The following GABRG3 variants were observed in gnomAD, a reference collection of about 807,000 sequenced individuals.
The protein encoded by GABRG3 is gamma-aminobutyric acid type A receptor subunit gamma3, also known as gamma-aminobutyric acid receptor subunit gamma-3.
A neutral mutation model predicts 48.8 loss-of-function variants in GABRG3; 25 were observed. That is an observed-to-expected ratio of 0.51 (90% CI 0.37 to 0.72). The LOEUF is 0.72. Ranked by LOEUF, GABRG3 falls within the 30% of genes least tolerant of loss-of-function variation. GABRG3 has a pLI of 0.00. For missense variants in GABRG3, 394 were observed against 577.9 expected, an observed-to-expected ratio of 0.68 and a Z score of 3.26; for synonymous variants, 227 against 217.6, an observed-to-expected ratio of 1.04 and a Z score of -0.38.
At chr15:27,347,347 T>A (rs1894409206) in intron 5 of GABRG3, among the ~76,000 whole-genome samples, 1 of 152,176 alleles carries the variant, frequency 6.6e-6, no homozygotes, top group South Asian at 2.1e-4. Context: ...AGTGGAGCTG[T>A]TTTCCTGGGC....
Position 27,129,433 on chromosome 15 carries a change from T to C in GABRG3, c.270+102612T>C, listed in dbSNP as rs564502349. On this transcript the variant is annotated intron_variant, in intron 3 of 9. Coordinates refer to ENST00000615808, the MANE Select transcript of GABRG3 (RefSeq NM_033223.5). ...CATTATGTGTATATGCCATATTTTA[T>C]TTAACCATTCAATCTTAGATGGACA... Among the ~76,000 whole-genome samples the C allele has an allele frequency of 7.9e-5, 12 of 152,360 alleles. No homozygotes were observed. In the East Asian group the frequency reaches 2.3e-3, roughly 29 times the overall value.
chr15:27,312,610 A>G (rs1376877358), intron 3 of GABRG3, among the ~76,000 whole-genome samples: 2 of 152,138 alleles, frequency 1.3e-5, no homozygotes, highest in Non-Finnish European at 2.9e-5. Flanking sequence ...CAGAAACCTT[A>G]CAGGCCAAAA....
At chr15:27,376,613 C>T (rs1895605049) in intron 5 of GABRG3, among the ~76,000 whole-genome samples, 1 of 152,204 alleles carries the variant, frequency 6.6e-6, no homozygotes, top group Admixed American at 6.5e-5. Context: ...GGCTTGCACC[C>T]TCTGAAGCCA....
At chr15:27,041,564 T>C (rs559953503) in intron 3 of GABRG3, among the ~76,000 whole-genome samples, 2 of 152,362 alleles carry the variant, frequency 1.3e-5, no homozygotes, top group East Asian at 3.9e-4. Context: ...CAGTAAATAC[T>C]TCTCACTCAG....
At chr15:27,098,292 G>C (rs533800703) in intron 3 of GABRG3, among the ~76,000 whole-genome samples, 1 of 152,204 alleles carries the variant, frequency 6.6e-6, no homozygotes, top group South Asian at 2.1e-4. Context: ...AAAATAGCCA[G>C]GCGTGGTGGC....
chr15:27,413,826 G>A (rs1280073198), intron 5 of GABRG3, among the ~76,000 whole-genome samples: 2 of 152,086 alleles, frequency 1.3e-5, no homozygotes, highest in Non-Finnish European at 2.9e-5. Flanking sequence ...TTGGAAAGAA[G>A]GAATGAGATA....
chr15:27,293,121 A>C (rs1891849506), intron 3 of GABRG3, among the ~76,000 whole-genome samples: 1 of 152,164 alleles, frequency 6.6e-6, no homozygotes, highest in Non-Finnish European at 1.5e-5. Context: ...TGCTACTACT[A>C]ATGTTGCAAT....
At chr15:27,281,064 T>A (rs1891417292) in intron 3 of GABRG3, among the ~76,000 whole-genome samples, 1 of 152,186 alleles carries the variant, frequency 6.6e-6, no homozygotes, top group Non-Finnish European at 1.5e-5. Context: ...ATTTTATTCT[T>A]AGGTAATGTT....
At chr15:27,436,247 C>T (rs1888606135) in intron 5 of GABRG3, among the ~76,000 whole-genome samples, 2 of 152,170 alleles carry the variant, frequency 1.3e-5, no homozygotes, top group Admixed American at 6.5e-5. Context: ...AGAAAGGAAA[C>T]AAGCTCTTTC....
chr15:27,154,407 A>G (rs149029957), intron 3 of GABRG3, among the ~76,000 whole-genome samples: 40 of 152,258 alleles, frequency 2.6e-4, no homozygotes, highest in African/African-American at 8.4e-4. Context: ...GGCATCCCTG[A>G]ATTGCTACTG....
intron 3 of GABRG3, among the ~76,000 whole-genome samples, chr15:27,259,526 C>A (rs901528109): frequency 6.6e-6 from 1 of 152,150 alleles, no homozygotes; most frequent in Non-Finnish European, 1.5e-5. Context: ...GCAAAGAAAT[C>A]ATTATTTCCT....
chr15:27,255,591 T>A (rs900212003), intron 3 of GABRG3, among the ~76,000 whole-genome samples: 1 of 151,644 alleles, frequency 6.6e-6, no homozygotes, highest in Non-Finnish European at 1.5e-5. Flanking sequence ...TTTTCATCTT[T>A]CCTTTTTTTT....
At chr15:27,510,864 T>C (rs1254071180) in intron 6 of GABRG3, among the ~76,000 whole-genome samples, 1 of 152,204 alleles carries the variant, frequency 6.6e-6, no homozygotes, top group African/African-American at 2.4e-5. Flanking sequence ...TAATAAAAAT[T>C]AGCACTTTTT....
chr15:27,119,045 A>AG (rs1177500149), intron 3 of GABRG3, among the ~76,000 whole-genome samples: 2 of 152,132 alleles, frequency 1.3e-5, no homozygotes, highest in Non-Finnish European at 2.9e-5. Context: ...ATCTTCCACT[A>AG]TCATAAGAAC....
At chr15:27,423,721 CTTTTTTTTTTTTTT>C (rs542775399) in intron 5 of GABRG3, among the ~76,000 whole-genome samples, 2 of 81,788 alleles carry the variant, frequency 2.4e-5, no homozygotes, top group African/African-American at 5.9e-5. Flanking sequence ...TTTTCTTTTC[CTTTTTTTTTTTTTT>C]TTTTTTTTTT....
chr15:27,219,333 G>C (rs568479399), intron 3 of GABRG3, among the ~76,000 whole-genome samples: 1 of 152,306 alleles, frequency 6.6e-6, no homozygotes, highest in East Asian at 1.9e-4. Flanking sequence ...TCCAAGGTAG[G>C]CAGAGTCCAA....
chr15:27,029,305 G>A (rs1187133104), intron 3 of GABRG3, among the ~76,000 whole-genome samples: 8 of 152,296 alleles, frequency 5.3e-5, no homozygotes, highest in South Asian at 2.1e-4. Context: ...CGCCGAGGCC[G>A]CAGTCAGCGC....
intron 5 of GABRG3, among the ~76,000 whole-genome samples, chr15:27,341,811 C>T (rs1357567215): frequency 2.0e-5 from 3 of 152,192 alleles, no homozygotes; most frequent in East Asian, 3.9e-4. Flanking sequence ...ATGTACACGG[C>T]TGCAGCATGC....
chr15:27,322,227 C>T (rs773190760), intron 3 of GABRG3, among the ~76,000 whole-genome samples: 1 of 152,140 alleles, frequency 6.6e-6, no homozygotes, highest in Non-Finnish European at 1.5e-5. Flanking sequence ...ATAAAACATC[C>T]ACACCATGCA....
Sources: gnomAD v4.1 joint callset for allele counts (sites outside exome capture counted in the v4.1 genomes callset) on GRCh38, gnomAD v4.1.1 for gene constraint, MANE v1.5 for transcripts, NCBI Gene and HGNC (gene_info 2026-07-23, HGNC 2026-07-21) for gene names.